Variants in OC90 observed in about 807,000 individuals in gnomAD.
OC90 encodes the protein otoconin-90.
Under a neutral mutation model 47.3 loss-of-function variants are expected in OC90, and 46 were observed. The observed-to-expected ratio is 0.97, with a 90% confidence interval of 0.77 to 1.24. OC90 has a LOEUF of 1.24. OC90 is among the 50% of genes most tolerant of loss of function. The pLI is 0.00. For synonymous variants in OC90, 271 were observed against 219.5 expected, an observed-to-expected ratio of 1.23 and a Z score of -2.07; for missense variants, 688 against 583.9, an observed-to-expected ratio of 1.18 and a Z score of -1.84.
chr8:132,043,600 A>C (rs1563732531), intron 4 of OC90, among the ~76,000 whole-genome samples: 2 of 152,184 alleles, frequency 1.3e-5, no homozygotes, highest in Non-Finnish European at 2.9e-5. Context: ...ACGGAGCTTA[A>C]GGGCATCAGG....
chr8:132,033,724 A>G (rs1468925952), intron 10 of OC90, among the ~76,000 whole-genome samples: 1 of 151,848 alleles, frequency 6.6e-6, no homozygotes, highest in African/African-American at 2.4e-5. Flanking sequence ...CCTGCCTGAC[A>G]CTCTCTCTGG....
chr8:132,041,720 G>A (rs1452836395), intron 4 of OC90, 21 bp from the exon 5 acceptor site: 3 of 1,503,804 alleles, frequency 2.0e-6, no homozygotes, highest in South Asian at 1.1e-5. Context: ...GGGGGGCAGG[G>A]CCTGATAAGC....
intron 12 of OC90, among the ~76,000 whole-genome samples, chr8:132,030,733 A>T (rs1822861050): frequency 1.3e-5 from 2 of 152,236 alleles, no homozygotes; most frequent in African/African-American, 4.8e-5. Context: ...TAAGTTTTGA[A>T]GGCTGACTGT....
At position 132,054,975 on chromosome 8, in the gene OC90, A is replaced by G. The variant is rs1452268977; in HGVS notation, c.46+6T>C. ...TGGAACTATGGTGTAAGATATCATT[A>G]CTCACCGGCATGGGGGATCATCAGC... is the stretch of plus-strand genomic sequence containing the variant. On this transcript the variant is annotated splice_donor_region_variant and intron_variant, in intron 2 of 13. Coordinates refer to ENST00000254627, the MANE Select transcript of OC90 (RefSeq NM_001080399.3). The G allele has an allele frequency of 6.5e-7, 1 of 1,545,588 alleles. No homozygotes were observed. The highest frequency in any genetic ancestry group is 2.0e-5 in the Admixed American group (1 of 49,942).
rs768696601 is a variant in OC90, at chr8:132,034,844, AAAG to A, written c.680-13_680-11del. 8.1e-6 allele frequency: 13 copies of A among 1,610,920 alleles called. No individual in the cohort carries two copies. The highest frequency in any genetic ancestry group is 1.0e-5 in the Non-Finnish European group (12 of 1,177,542). ...TGATCGTGGCCTGCTTCTGTTCCCCAAAGAAGAGAGACAGCATGAGCATCCACC... is the reference window on the plus strand; with the variant it reads ...TGATCGTGGCCTGCTTCTGTTCCCCAAAGAGAGACAGCATGAGCATCCACC... On this transcript the variant is annotated splice_polypyrimidine_tract_variant and intron_variant, in intron 9 of 13. Transcript: ENST00000254627.
At chr8:132,032,373 C>T (rs895310250) in intron 11 of OC90, among the ~76,000 whole-genome samples, 1 of 152,154 alleles carries the variant, frequency 6.6e-6, no homozygotes, top group African/African-American at 2.4e-5. Flanking sequence ...ACTGAGTAGA[C>T]CTGGCATCCT....
In OC90 at chr8:132,029,196, C is replaced by T; in HGVS notation, c.1032-17G>A. On this transcript the variant is annotated splice_polypyrimidine_tract_variant and intron_variant, in intron 12 of 13. Coordinates refer to ENST00000254627, the MANE Select transcript of OC90 (RefSeq NM_001080399.3). ...AAGCAGCACCTAAGACCAAGGAAAA[C>T]CCTTTACTTCTCAGAGCTCCTGGCT... is the stretch of plus-strand genomic sequence containing the variant. 1.9e-6 allele frequency: 3 copies of T among 1,592,322 alleles called. No individual in the cohort carries two copies. Among genetic ancestry groups the T allele is most frequent in the Non-Finnish European group, 2.6e-6 (3 of 1,160,208 alleles).
intron 11 of OC90, among the ~76,000 whole-genome samples, chr8:132,032,831 C>G (rs1234234668): frequency 6.6e-6 from 1 of 152,140 alleles, no homozygotes; most frequent in South Asian, 2.1e-4. Flanking sequence ...TGGCTCCTCC[C>G]CCCAGGCTCA....
intron 1 of OC90, among the ~76,000 whole-genome samples, chr8:132,057,964 G>A (rs1248656948): frequency 2.0e-5 from 3 of 152,196 alleles, no homozygotes; most frequent in Non-Finnish European, 4.4e-5. Flanking sequence ...CTGCTAGGCC[G>A]GTCCTTTGAG....
chr8:132,037,211 C>T (rs961228836), intron 9 of OC90, among the ~76,000 whole-genome samples: 2 of 152,150 alleles, frequency 1.3e-5, no homozygotes, highest in Admixed American at 1.3e-4. Context: ...GATATGTGTC[C>T]CCACCCAAAT....
intron 13 of OC90, among the ~76,000 whole-genome samples, chr8:132,028,567 G>GAAAGAAAGA (rs1157447594): frequency 4.4e-3 from 57 of 12,962 alleles, no homozygotes; most frequent in African/African-American, 8.4e-3. Context: ...AGAAAGAAAG[G>GAAAGAAAGA]AAGGAAGGAA....
intron 4 of OC90, among the ~76,000 whole-genome samples, chr8:132,044,059 A>G (rs1823097452): frequency 6.6e-6 from 1 of 152,162 alleles, no homozygotes; most frequent in Non-Finnish European, 1.5e-5. Context: ...AAATAAAACT[A>G]CTTTGATGTA....
At chr8:132,037,341 A>G (rs1481009973) in intron 9 of OC90, 97 bp downstream of exon 9, 3 of 991,238 alleles carry the variant, frequency 3.0e-6, no homozygotes. Flanking sequence ...TTCTTGTGAT[A>G]GTGAGTTCTT....
chr8:132,055,175 G>A (rs541013807), intron 1 of OC90, 102 bp from the exon 2 acceptor site: 2 of 625,354 alleles, frequency 3.2e-6, no homozygotes, highest in East Asian at 2.9e-5. Context: ...AAGGCATGTG[G>A]TAAAAGGAGA....
Position 132,024,654 on chromosome 8 carries a change from G to A in OC90, c.1261C>T (p.Gln421Ter). The A allele has an allele frequency of 1.2e-6, 2 of 1,613,162 alleles. No homozygotes were observed. The highest frequency in any genetic ancestry group is 1.7e-6 in the Non-Finnish European group (2 of 1,179,658). ...AGGCTGTCTTCACAGGCTGCTGGCT[G>A]CCCAGGGCACCCGAGTCTGCTTGGG... Reference protein sequence around the residue: ...KSPSRLGCPGQPAACEDSLHP... With the variant: ...KSPSRLGCPG The change falls in exon 14 of 14, where the codon CAG (glutamine) becomes TAG (stop). Residue 421 changes from glutamine (Q) to a stop codon, truncating the protein, a stop_gained. Coordinates refer to ENST00000254627, the MANE Select transcript of OC90 (RefSeq NM_001080399.3). LOFTEE classifies it low-confidence loss of function (END_TRUNC).
At chr8:132,026,244 G>T (rs1266703619) in intron 13 of OC90, among the ~76,000 whole-genome samples, 2 of 152,120 alleles carry the variant, frequency 1.3e-5, no homozygotes, top group Admixed American at 1.3e-4. Context: ...ACATACATAA[G>T]TTTCTACAAA....
At chr8:132,036,095 A>G (rs913660341) in intron 9 of OC90, among the ~76,000 whole-genome samples, 4 of 152,254 alleles carry the variant, frequency 2.6e-5, no homozygotes, top group Non-Finnish European at 5.9e-5. Flanking sequence ...TAGGGAAGAC[A>G]GTGTTCTCTA....
chr8:132,044,260 C>T (rs1189793929), intron 4 of OC90, among the ~76,000 whole-genome samples, 173 bp downstream of exon 4: 1 of 152,126 alleles, frequency 6.6e-6, no homozygotes, highest in African/African-American at 2.4e-5. Flanking sequence ...GTGGCTCACC[C>T]TGCAATAAAA....
intron 13 of OC90, among the ~76,000 whole-genome samples, chr8:132,026,579 C>T (rs182057840): frequency 6.6e-6 from 1 of 152,344 alleles, no homozygotes; most frequent in African/African-American, 2.4e-5. Flanking sequence ...CCTCATTTCT[C>T]ATCAACTAAT....
Sources: gnomAD v4.1 joint callset for allele counts (sites outside exome capture counted in the v4.1 genomes callset) on GRCh38, gnomAD v4.1.1 for gene constraint, MANE v1.5 for transcripts, NCBI Gene and HGNC (gene_info 2026-07-23, HGNC 2026-07-21) for gene names.